The following ZPBP variants were observed in gnomAD, a reference collection of about 807,000 sequenced individuals.
ZPBP encodes the protein zona pellucida binding protein.
In ZPBP, 26 loss-of-function variants were observed where a neutral mutation model predicts 44.8. That is an observed-to-expected ratio of 0.58 (90% CI 0.43 to 0.81). The LOEUF (loss-of-function observed/expected upper bound fraction) is 0.81, where lower values mean the gene tolerates loss of function less well. ZPBP is among the 30% of genes least tolerant of loss of function. The pLI is 0.00. For missense variants in ZPBP, 409 were observed against 434.0 expected, an observed-to-expected ratio of 0.94 and a Z score of 0.51; for synonymous variants, 174 against 153.2, an observed-to-expected ratio of 1.14 and a Z score of -1.00.
Position 50,011,518 on chromosome 7 carries a change from C to T in ZPBP, c.783+6722G>A, listed in dbSNP as rs145286623. The stretch of plus-strand genomic sequence containing the variant: ...ATGACAGAGATGATCTGAACAACAC[C>T]ACCATCCACTTTTAGTTAATTATAA... On this transcript the variant is annotated intron_variant, in intron 6 of 7. Coordinates refer to ENST00000046087, the MANE Select transcript of ZPBP (RefSeq NM_007009.3). Among the ~76,000 whole-genome samples, 15 of 152,242 alleles carry T rather than the reference C, an allele frequency of 9.9e-5. No individual in the cohort carries two copies. In the East Asian group the frequency reaches 2.9e-3, roughly 29 times the overall value.
At chr7:50,044,494 T>TGATC (rs1441486214) in intron 4 of ZPBP, among the ~76,000 whole-genome samples, 1 of 152,042 alleles carries the variant, frequency 6.6e-6, no homozygotes, top group Non-Finnish European at 1.5e-5. Context: ...ATATCAACAT[T>TGATC]GATCCCACAG....
At position 49,877,019 on chromosome 7, in the gene ZPBP, C is replaced by T. The variant is rs1308364531; in HGVS notation, n.509+24099G>A. Among the ~76,000 whole-genome samples, 3 of 152,130 alleles carry T rather than the reference C, an allele frequency of 2.0e-5. No homozygotes were observed. In the East Asian group the frequency reaches 5.8e-4, roughly 29 times the overall value. ...CTTAGGACAGTCTTGGGGTGCAGGGCACTCTACTTGACCGTCAGTCTCCTC... is the reference window on the plus strand; with the variant it reads ...CTTAGGACAGTCTTGGGGTGCAGGGTACTCTACTTGACCGTCAGTCTCCTC... On this transcript the variant is annotated intron_variant and non_coding_transcript_variant, in intron 2 of 2. Coordinates refer to the ZPBP transcript ENST00000465922.
At chr7:50,041,103 T>C (rs901569062) in intron 4 of ZPBP, among the ~76,000 whole-genome samples, 1 of 152,154 alleles carries the variant, frequency 6.6e-6, no homozygotes, top group Non-Finnish European at 1.5e-5. Flanking sequence ...AGAGTGCCTA[T>C]CTAGATTCCT....
intron 2 of ZPBP, among the ~76,000 whole-genome samples, chr7:49,853,428 C>G (rs1280486127): frequency 2.6e-5 from 4 of 152,328 alleles, no homozygotes; most frequent in Middle Eastern, 3.4e-3. Flanking sequence ...GTGCCAGGAG[C>G]TCTGCTGGGC....
intron 1 of ZPBP, among the ~76,000 whole-genome samples, chr7:49,903,077 A>G (rs1376223818): frequency 2.0e-5 from 3 of 152,242 alleles, no homozygotes; most frequent in Admixed American, 6.5e-5. Context: ...CTATACATCA[A>G]TATAATGGCT....
chr7:49,981,657 T>C (rs1562820442), intron 7 of ZPBP, among the ~76,000 whole-genome samples: 1 of 75,924 alleles, frequency 1.3e-5, no homozygotes, highest in African/African-American at 6.1e-5. Flanking sequence ...TATCTTGATA[T>C]AAAATATATA....
chr7:49,902,141 G>A (rs1408759494), intron 1 of ZPBP, among the ~76,000 whole-genome samples: 1 of 151,940 alleles, frequency 6.6e-6, no homozygotes, highest in Non-Finnish European at 1.5e-5. Context: ...TGAATTTTTA[G>A]ATACAACATC....
intron 1 of ZPBP, chr7:49,915,541 A>T (rs1793672862): frequency 6.6e-6 from 1 of 152,212 alleles, no homozygotes; most frequent in Non-Finnish European, 1.5e-5. Context: ...TAAAATTCAG[A>T]TGTTTAATTT....
downstream of ZPBP, among the ~76,000 whole-genome samples, chr7:49,845,958 G>T (rs1023858026): frequency 6.6e-6 from 1 of 152,176 alleles, no homozygotes; most frequent in African/African-American, 2.4e-5. Context: ...TGCCCCTGTG[G>T]ATATTTTGTT....
At chr7:49,978,645 C>T (rs1796635540) in intron 7 of ZPBP, among the ~76,000 whole-genome samples, 1 of 151,666 alleles carries the variant, frequency 6.6e-6, no homozygotes, top group Non-Finnish European at 1.5e-5. Context: ...CATGAGATAC[C>T]TCATATATTT....
intron 6 of ZPBP, among the ~76,000 whole-genome samples, chr7:50,009,898 A>C (rs1461614406): frequency 6.6e-6 from 1 of 152,152 alleles, no homozygotes; most frequent in Non-Finnish European, 1.5e-5. Flanking sequence ...AATAACTCCA[A>C]AGAAGAGGAA....
chr7:50,039,707 G>A (rs966142064), intron 4 of ZPBP, among the ~76,000 whole-genome samples: 1 of 152,074 alleles, frequency 6.6e-6, no homozygotes, highest in Non-Finnish European at 1.5e-5. Flanking sequence ...TAAGAAGGCT[G>A]TATATGACAA....
chr7:49,951,147 T>G (rs1795327573), intron 7 of ZPBP, among the ~76,000 whole-genome samples: 1 of 151,836 alleles, frequency 6.6e-6, no homozygotes, highest in South Asian at 2.1e-4. Flanking sequence ...TAAGTCTTCA[T>G]GATTTTAGAT....
rs1797725911 is a variant in ZPBP, at chr7:49,994,565, T to A, written c.784-11046A>T. 1.3e-5 allele frequency among the ~76,000 whole-genome samples: 2 copies of A among 152,156 alleles called. 1 individual carries two copies. The highest frequency in any genetic ancestry group is 4.1e-4 in the South Asian group (2 of 4,836). On this transcript the variant is annotated intron_variant, in intron 6 of 7. Coordinates refer to ENST00000046087, the MANE Select transcript of ZPBP (RefSeq NM_007009.3). ...TTCATGATGGGTAGCTCAGGTCACATGGTAACCTGGTGGACCATGGTCAAG... is the reference window on the plus strand; with the variant it reads ...TTCATGATGGGTAGCTCAGGTCACAAGGTAACCTGGTGGACCATGGTCAAG...
chr7:49,945,993 T>C (rs577766798), intron 7 of ZPBP, among the ~76,000 whole-genome samples: 2 of 152,218 alleles, frequency 1.3e-5, no homozygotes, highest in Admixed American at 6.6e-5. Flanking sequence ...TTTTGATTTG[T>C]GGTTACCATA....
At chr7:50,076,866 A>G (rs1355959727) in intron 3 of ZPBP, among the ~76,000 whole-genome samples, 1 of 151,966 alleles carries the variant, frequency 6.6e-6, no homozygotes, top group African/African-American at 2.4e-5. Flanking sequence ...CAAAATGCCA[A>G]CAACATTCTT....
At chr7:49,965,815 A>G (rs1477241141) in intron 7 of ZPBP, among the ~76,000 whole-genome samples, 1 of 152,092 alleles carries the variant, frequency 6.6e-6, no homozygotes, top group African/African-American at 2.4e-5. Flanking sequence ...TATTACTTGA[A>G]GGTGGACTAA....
chr7:50,092,739 TAC>T (rs1803056245), intron 1 of ZPBP: 1 of 221,488 alleles, frequency 4.5e-6, no homozygotes, highest in African/African-American at 2.3e-5. Context: ...ATCTCATCAT[TAC>T]AGAGTTCACA....
rs1345393478 is a variant in ZPBP at position 50,078,992 on chromosome 7, AAG to A, written c.334+2780_334+2781del. 5.3e-5 allele frequency among the ~76,000 whole-genome samples: 8 copies of A among 151,048 alleles called. No individual in the cohort carries two copies. The South Asian group carries it at 1.4e-3, about 27-fold the overall frequency. ...TAACTAGTAAGAGAGAACAAAAAAA[AAG>A]AGAGAGAAGACACAACCAACATCAG... is the stretch of plus-strand genomic sequence containing the variant. On this transcript the variant is annotated intron_variant, in intron 3 of 7. Transcript: ENST00000046087.
Sources: allele counts gnomAD v4.1 joint callset (sites outside exome capture counted in the v4.1 genomes callset), GRCh38; gene constraint gnomAD v4.1.1; transcripts MANE v1.5; gene names NCBI Gene and HGNC (gene_info 2026-07-23, HGNC 2026-07-21).